ABCD3: variants seen among roughly 807,000 people sequenced by gnomAD.
The protein encoded by ABCD3 is ATP binding cassette subfamily D member 3.
ABCD3 carries 41 observed loss-of-function variants against 105.5 expected under a neutral mutation model. The observed-to-expected ratio is 0.39, with a 90% CI of 0.30 to 0.50. The LOEUF is 0.50. Among genes scored for constraint, ABCD3 ranks in the 20% least tolerant of loss-of-function variants. The probability of loss-of-function intolerance (pLI) is 0.84; values close to 1 mark genes in which losing one functional copy is unlikely to be tolerated. For missense variants in ABCD3, 622 were observed against 806.3 expected (o/e 0.77, Z 2.77); for synonymous variants, 258 against 269.0 (o/e 0.96, Z 0.40).
At chr1:94,511,046 G>C (rs539036260) in intron 21 of ABCD3, among the ~76,000 whole-genome samples, 22 of 151,344 alleles carry the variant, frequency 1.5e-4, no homozygotes, top group African/African-American at 5.1e-4. Context: ...GATGTTAGCT[G>C]GTTATTTTGC....
chr1:94,409,030 CT>C, the ABCD3 span, among the ~76,000 whole-genome samples: 1 of 151,826 alleles, frequency 6.6e-6, no homozygotes, highest in Non-Finnish European at 1.5e-5. Flanking sequence ...CTTTTAAGGC[CT>C]TTTTTCCTGG....
the ABCD3 span, among the ~76,000 whole-genome samples, chr1:94,396,391 T>C: frequency 6.6e-6 from 1 of 152,230 alleles, no homozygotes; most frequent in African/African-American, 2.4e-5. Flanking sequence ...TACTGAACTT[T>C]AACATTCATC....
At chr1:94,388,875 C>T in the ABCD3 span, among the ~76,000 whole-genome samples, 1 of 152,124 alleles carries the variant, frequency 6.6e-6, no homozygotes, top group African/African-American at 2.4e-5. Context: ...TTGGCAGCCA[C>T]TATGGACAAC....
At chr1:94,455,268 A>G (rs184904158) in intron 1 of ABCD3, among the ~76,000 whole-genome samples, 14 of 152,320 alleles carry the variant, frequency 9.2e-5, no homozygotes, top group African/African-American at 1.9e-4. Flanking sequence ...AGCTATTTTC[A>G]TAGAACTTCC....
chr1:94,426,547 ATT>A (rs552328622), intron 1 of ABCD3, among the ~76,000 whole-genome samples: 1 of 143,096 alleles, frequency 7.0e-6, no homozygotes. Context: ...GATGTGTTTG[ATT>A]TTTTTTTTTT....
chr1:94,474,717 C>A (rs890850272), intron 5 of ABCD3, among the ~76,000 whole-genome samples: 1 of 140,956 alleles, frequency 7.1e-6, no homozygotes. Context: ...GGTGTAAAAC[C>A]TGTAGTGTTT....
chr1:94,425,511 C>T (rs966391466), intron 1 of ABCD3, among the ~76,000 whole-genome samples: 1 of 152,104 alleles, frequency 6.6e-6, no homozygotes, highest in Non-Finnish European at 1.5e-5. Context: ...TGAACATTTT[C>T]ATCTCTGCTG....
At chr1:94,478,875 A>G (rs1042033809) in intron 8 of ABCD3, among the ~76,000 whole-genome samples, 1 of 152,228 alleles carries the variant, frequency 6.6e-6, no homozygotes, top group African/African-American at 2.4e-5. Context: ...TGGCTATCCC[A>G]TGAGCCTTAT....
At chr1:94,398,176 T>G in the ABCD3 span, among the ~76,000 whole-genome samples, 1,027 of 152,334 alleles carry the variant, frequency 6.7e-3, 3 homozygotes, top group Non-Finnish European at 0.012. Context: ...ATGAAAGCTC[T>G]TTTTATTTCT....
chr1:94,388,961 G>A, the ABCD3 span, among the ~76,000 whole-genome samples: 1 of 151,956 alleles, frequency 6.6e-6, no homozygotes, highest in Non-Finnish European at 1.5e-5. Flanking sequence ...TCTGAGTGAA[G>A]AGAGAGAAAA....
intron 10 of ABCD3, among the ~76,000 whole-genome samples, chr1:94,485,795 C>G (rs1649251906): frequency 6.6e-6 from 1 of 152,112 alleles, no homozygotes; most frequent in Admixed American, 6.5e-5. Context: ...TACTTATGTA[C>G]ACATATTTTT....
chr1:94,391,935 A>C, the ABCD3 span, among the ~76,000 whole-genome samples: 1 of 152,094 alleles, frequency 6.6e-6, no homozygotes, highest in Admixed American at 6.5e-5. Flanking sequence ...AGGTTCTTTC[A>C]ATTTTTCATC....
rs184840631 is a variant in ABCD3 at position 94,435,161 on chromosome 1, C to A, written c.110+16573C>A. Among the ~76,000 whole-genome samples, 13 of 152,300 alleles carry A rather than the reference C, an allele frequency of 8.5e-5. No homozygotes were observed. The East Asian group carries it at 2.3e-3, about 27-fold the overall frequency. On this transcript the variant is annotated intron_variant, in intron 1 of 22. Transcript: ENST00000370214. ...ATTTCCCATAAATTGGTAGTTGGAT[C>A]TAAAACCTTGATCAAATTTAGGTTT...
the ABCD3 span, among the ~76,000 whole-genome samples, chr1:94,405,407 T>C: frequency 1.4e-4 from 21 of 150,604 alleles, no homozygotes; most frequent in East Asian, 2.1e-3. Flanking sequence ...GCCTACTGGG[T>C]TCAAGCAATT....
At chr1:94,468,867 G>GTCATTTACATACAA (rs1648297107) in intron 4 of ABCD3, among the ~76,000 whole-genome samples, 1 of 127,742 alleles carries the variant, frequency 7.8e-6, no homozygotes, top group Non-Finnish European at 1.7e-5. Context: ...CATTTCTCTA[G>GTCATTTACATACAA]GACAGTAAAA....
At chr1:94,444,135 C>A (rs1418105432) in intron 1 of ABCD3, among the ~76,000 whole-genome samples, 2 of 151,852 alleles carry the variant, frequency 1.3e-5, no homozygotes, top group Non-Finnish European at 2.9e-5. Flanking sequence ...AGATCAAGAC[C>A]ATCCTGGCCA....
rs759997402 is a variant in ABCD3 at position 94,418,469 on chromosome 1, C to T, written c.-10C>T. 4 of 1,592,588 alleles carry T rather than the reference C, an allele frequency of 2.5e-6. No homozygotes were observed. Among genetic ancestry groups the T allele is most frequent in the Non-Finnish European group, 2.6e-6 (3 of 1,174,670 alleles). On this transcript the variant is annotated 5_prime_UTR_variant, in exon 1 of 23. Coordinates refer to ENST00000370214, the MANE Select transcript of ABCD3 (RefSeq NM_002858.4). Reference sequence around the variant, plus strand: ...CGTCCCCTCGCCGGCTCGCTGGTACCGGCAGTGCCATGGCGGCCTTCAGCA... The same window carrying T: ...CGTCCCCTCGCCGGCTCGCTGGTACTGGCAGTGCCATGGCGGCCTTCAGCA...
At chr1:94,486,286 A>G (rs527726451) in intron 10 of ABCD3, among the ~76,000 whole-genome samples, 2 of 152,316 alleles carry the variant, frequency 1.3e-5, no homozygotes, top group South Asian at 4.1e-4. Flanking sequence ...GGATTTTGGT[A>G]TCCAGAAGGT....
intron 20 of ABCD3, among the ~76,000 whole-genome samples, chr1:94,506,177 C>T (rs570835580): frequency 1.3e-5 from 2 of 152,146 alleles, no homozygotes; most frequent in South Asian, 2.1e-4. Flanking sequence ...CTTTTTGCGT[C>T]GGAGTCATCT....
Sources: allele counts gnomAD v4.1 joint callset (sites outside exome capture counted in the v4.1 genomes callset), GRCh38; gene constraint gnomAD v4.1.1; transcripts MANE v1.5; gene names NCBI Gene and HGNC (gene_info 2026-07-23, HGNC 2026-07-21).